The following FREM3 variants were observed in gnomAD, a reference collection of about 807,000 sequenced individuals.
FREM3 encodes the protein FRAS1-related extracellular matrix protein 3.
Under a neutral mutation model 129.1 loss-of-function variants are expected in FREM3, and 105 were observed. That is an observed-to-expected ratio of 0.81 (90% CI 0.69 to 0.96). The LOEUF (loss-of-function observed/expected upper bound fraction) is 0.96, where lower values mean the gene tolerates loss of function less well. Among genes scored for constraint, FREM3 ranks in the 40% least tolerant of loss-of-function variants. FREM3 has a pLI of 0.00. For missense variants in FREM3, 2,593 were observed against 2,666.3 expected, an observed-to-expected ratio of 0.97 and a Z score of 0.61; for synonymous variants, 1,014 against 1,044.9, an observed-to-expected ratio of 0.97 and a Z score of 0.57.
intron 2 of FREM3, among the ~76,000 whole-genome samples, chr4:143,688,997 A>G (rs566791672): frequency 2.0e-5 from 3 of 152,358 alleles, no homozygotes; most frequent in Admixed American, 1.3e-4. Context: ...TCCCAAAAGG[A>G]AATGCAATAA....
chr4:143,656,875 A>G (rs554284930), intron 2 of FREM3, among the ~76,000 whole-genome samples: 2 of 152,348 alleles, frequency 1.3e-5, no homozygotes, highest in African/African-American at 4.8e-5. Flanking sequence ...GTAAATAAAT[A>G]GATTTTATTT....
Position 143,695,922 on chromosome 4 carries a change from A to G in FREM3, c.4754T>C (p.Ile1585Thr). The G allele has an allele frequency of 6.5e-7, 1 of 1,537,816 alleles. No homozygotes were observed. The highest frequency in any genetic ancestry group is 8.7e-7 in the Non-Finnish European group (1 of 1,147,034). ...CACGGGACGGCTACCATTGTACAAA[A>G]TCTTGCCATGCATGGGGACCTGGGT... ...TITQVPMHGKILYNGSRPVTT... is the reference protein window; with the variant it reads ...TITQVPMHGKTLYNGSRPVTT... The change falls in exon 1 of 8, where the codon ATT becomes ACT. Residue 1585 changes from isoleucine to threonine, a missense_variant. This residue lies in a region of FREM3 where 2,276 missense variants were observed against 2,267.2 expected (regional missense o/e 1.00). Transcript: ENST00000329798.
chr4:143,654,108 T>A (rs540717269), intron 2 of FREM3, among the ~76,000 whole-genome samples: 13 of 152,250 alleles, frequency 8.5e-5, no homozygotes, highest in South Asian at 2.1e-4. Flanking sequence ...ATTAAAAAAA[T>A]TTTTTTATTT....
rs185538686 is a variant in FREM3 at position 143,677,664 on chromosome 4, C to G, written c.5275+15449G>C. 1.4e-3 allele frequency among the ~76,000 whole-genome samples: 215 copies of G among 152,256 alleles called. 1 individual carries two copies. Among genetic ancestry groups the G allele is most frequent in the African/African-American group, 5.0e-3 (209 of 41,540 alleles). On this transcript the variant is annotated intron_variant, in intron 2 of 7. Coordinates refer to ENST00000329798, the MANE Select transcript of FREM3 (RefSeq NM_001168235.2). ...ACTCATCTGACAAAGGGCTAATATC[C>G]AGAATCTACAAAGAATTCAAACAAA...
intron 2 of FREM3, among the ~76,000 whole-genome samples, chr4:143,658,646 C>T (rs1739642650): frequency 6.6e-6 from 1 of 152,182 alleles, no homozygotes; most frequent in Middle Eastern, 3.2e-3. Context: ...CGGCATGCGG[C>T]CCAGGATGGC....
Position 143,700,368 on chromosome 4 carries a change from A to G in FREM3, c.308T>C (p.Leu103Pro). Reference protein sequence around the residue: ...DRCEVTVLDALPRLKGALSPR... With the variant: ...DRCEVTVLDAPPRLKGALSPR... ...GGAGAGCGCGCCCTTGAGCCGCGGCAGGGCGTCCAGTACCGTGACTTCGCA... is the reference window on the plus strand; with the variant it reads ...GGAGAGCGCGCCCTTGAGCCGCGGCGGGGCGTCCAGTACCGTGACTTCGCA... Residue 103 changes from leucine (L) to proline (P), a missense_variant, in exon 1 of 8, where the codon CTG (leucine) becomes CCG (proline). Around this residue, in one of 2 missense-constraint regions of FREM3, gnomAD observed 2,276 missense variants for 2,267.2 expected, o/e 1.00. Transcript: ENST00000329798. 1.3e-6 allele frequency: 2 copies of G among 1,535,014 alleles called. No homozygotes were observed. Among genetic ancestry groups the G allele is most frequent in the Non-Finnish European group, 1.7e-6 (2 of 1,146,128 alleles).
At chr4:143,661,926 A>G (rs62339310) in intron 2 of FREM3, among the ~76,000 whole-genome samples, 82,561 of 151,620 alleles carry the variant, frequency 0.54, 23,450 homozygotes, top group East Asian at 0.71. Flanking sequence ...CTGTGGGATC[A>G]GTGGTGATAT....
chr4:143,589,802 A>T (rs1738322853), intron 6 of FREM3, among the ~76,000 whole-genome samples: 1 of 152,092 alleles, frequency 6.6e-6, no homozygotes, highest in Non-Finnish European at 1.5e-5. Flanking sequence ...CTTGATGGGG[A>T]TGGCATTGAA....
intron 6 of FREM3, among the ~76,000 whole-genome samples, chr4:143,594,611 C>A (rs150219995): frequency 6.6e-6 from 1 of 152,046 alleles, no homozygotes; most frequent in Non-Finnish European, 1.5e-5. Flanking sequence ...TATTGTGTGG[C>A]ATTGGGGAAG....
chr4:143,604,994 A>G (rs556762491), intron 6 of FREM3, among the ~76,000 whole-genome samples: 2 of 152,314 alleles, frequency 1.3e-5, no homozygotes, highest in East Asian at 3.9e-4. Flanking sequence ...CTAATTAAAG[A>G]TCAAATTGGG....
At chr4:143,676,757 C>G (rs1740139138) in intron 2 of FREM3, among the ~76,000 whole-genome samples, 1 of 152,160 alleles carries the variant, frequency 6.6e-6, no homozygotes, top group East Asian at 1.9e-4. Flanking sequence ...AAGAAACAAA[C>G]AGACCGCCAA....
chr4:143,684,372 A>G (rs1048358519), intron 2 of FREM3, among the ~76,000 whole-genome samples: 1 of 152,192 alleles, frequency 6.6e-6, no homozygotes, highest in African/African-American at 2.4e-5. Context: ...AGAGCCTGGT[A>G]GACTTGCTGG....
intron 2 of FREM3, among the ~76,000 whole-genome samples, chr4:143,688,822 C>T (rs1358708501): frequency 1.3e-5 from 2 of 152,138 alleles, no homozygotes; most frequent in Non-Finnish European, 2.9e-5. Context: ...TTGCTAGCCA[C>T]ATGTAGGCAA....
chr4:143,633,355 T>C (rs1739174644), intron 2 of FREM3, among the ~76,000 whole-genome samples: 2 of 152,176 alleles, frequency 1.3e-5, no homozygotes, highest in South Asian at 4.1e-4. Flanking sequence ...GAAAATTCTC[T>C]TGTAGATCTA....
chr4:143,642,977 A>T (rs1329511576), intron 2 of FREM3, among the ~76,000 whole-genome samples: 3 of 152,220 alleles, frequency 2.0e-5, no homozygotes, highest in Non-Finnish European at 4.4e-5. Context: ...AACATTTCTC[A>T]AAAGAAGATA....
intron 3 of FREM3, among the ~76,000 whole-genome samples, chr4:143,625,696 G>T (rs79536723): frequency 0.014 from 2,082 of 152,276 alleles, 45 homozygotes; most frequent in African/African-American, 0.048. Context: ...CTTAATGTTT[G>T]ATGAACATTG....
At chr4:143,588,111 T>C (rs1183027267) in intron 6 of FREM3, among the ~76,000 whole-genome samples, 2 of 152,216 alleles carry the variant, frequency 1.3e-5, no homozygotes, top group African/African-American at 4.8e-5. Flanking sequence ...TCCCAGTTCA[T>C]TGTGTTCTCC....
At chr4:143,579,821 G>T (rs1452291737) in intron 7 of FREM3, among the ~76,000 whole-genome samples, 1 of 152,120 alleles carries the variant, frequency 6.6e-6, no homozygotes, top group Non-Finnish European at 1.5e-5. Context: ...TATTTACTAG[G>T]TTCAATAGAT....
chr4:143,586,047 G>C, intron 6 of FREM3, 54 bp from the exon 7 acceptor site: 3 of 1,509,986 alleles, frequency 2.0e-6, no homozygotes, highest in Non-Finnish European at 2.7e-6. Context: ...CTGGTATACT[G>C]TCTCCTTTGG....
Sources: gnomAD v4.1 joint callset for allele counts (sites outside exome capture counted in the v4.1 genomes callset) on GRCh38, gnomAD v4.1.1 for gene constraint, gnomAD v4.1.1 regional missense constraint, MANE v1.5 for transcripts, NCBI Gene and HGNC (gene_info 2026-07-23, HGNC 2026-07-21) for gene names.